ZDHHC9: variants seen among roughly 807,000 people sequenced by gnomAD.
ZDHHC9 encodes zDHHC palmitoyltransferase 9.
Under a neutral mutation model 26.6 loss-of-function variants are expected in ZDHHC9, and 3 were observed. The ratio of observed to expected loss-of-function variants is 0.11; its 90% CI spans 0.05 to 0.29. The LOEUF is 0.29. ZDHHC9 is among the 10% of genes least tolerant of loss of function. The pLI, the probability that ZDHHC9 is intolerant of heterozygous loss-of-function variation, is 1.00. For synonymous variants in ZDHHC9, 111 were observed against 109.4 expected (o/e 1.01, Z -0.09); for missense variants, 146 against 296.4 (o/e 0.49, Z 3.73).
chrX:129,833,465 T>C (rs2124130301), intron 3 of ZDHHC9, among the ~76,000 whole-genome samples: 1 of 111,756 alleles, frequency 8.9e-6, no homozygotes, highest in African/African-American at 3.3e-5. Flanking sequence ...GATTCATGAG[T>C]AGAATGGGTA....
intron 8 of ZDHHC9, 117 bp from the exon 9 acceptor site, chrX:129,811,626 A>C (rs1305158002): frequency 3.3e-6 from 2 of 609,411 alleles, no homozygotes; most frequent in Non-Finnish European, 5.0e-6. Context: ...TTGAAGAAAC[A>C]CATGCAGCAT....
chrX:129,817,742 C>CT (rs57413095), intron 5 of ZDHHC9, among the ~76,000 whole-genome samples: 16 of 104,238 alleles, frequency 1.5e-4, no homozygotes, highest in South Asian at 1.2e-3. Context: ...CTTTTTGTGT[C>CT]TTTTTTTTTT....
intron 4 of ZDHHC9, among the ~76,000 whole-genome samples, chrX:129,825,075 G>C (rs1020512568): frequency 8.9e-6 from 1 of 111,822 alleles, no homozygotes; most frequent in African/African-American, 3.3e-5. Context: ...GGCTGAGGCA[G>C]GCGGGGCACC....
Position 129,804,864 on chromosome X carries a change from C to T in ZDHHC9, c.*1506G>A, listed in dbSNP as rs922169870. ...AAGTTTGGGGAGTAACAAGCAACCC[C>T]TTCCAACCCCCACCCCCACCCTACA... On this transcript the variant is annotated 3_prime_UTR_variant, in exon 11 of 11. Transcript: ENST00000357166. 1 of 110,557 alleles carries T rather than the reference C, an allele frequency of 9.0e-6. No homozygotes were observed. The highest frequency in any genetic ancestry group is 3.3e-5 in the African/African-American group (1 of 30,325). 9.1% of individuals were successfully genotyped at this position (110,557 alleles called of 1,213,427 possible). A position where few individuals can be genotyped will look rare whatever the true frequency, so the allele number is the denominator to read the frequency against.
At chrX:129,827,424 C>A (rs1254836277) in intron 4 of ZDHHC9, among the ~76,000 whole-genome samples, 3 of 110,783 alleles carry the variant, frequency 2.7e-5, no homozygotes, top group Non-Finnish European at 5.7e-5. Flanking sequence ...AGTCCTGGGT[C>A]CCTTTTTCTT....
Position 129,805,714 on chromosome X carries a change from A to G in ZDHHC9, c.*656T>C, listed in dbSNP as rs1205390503. 1 of 112,600 alleles carries G rather than the reference A, an allele frequency of 8.9e-6. No homozygotes were observed. Among genetic ancestry groups the G allele is most frequent in the Non-Finnish European group, 1.9e-5 (1 of 53,621 alleles). 9.3% of individuals were successfully genotyped at this position (112,600 alleles called of 1,213,427 possible). On this transcript the variant is annotated 3_prime_UTR_variant, in exon 11 of 11. Transcript: ENST00000357166. ...AGAAATGTCAATTATTATCTCTACT[A>G]CAACTACTTACATATATCTAATGGG...
intron 6 of ZDHHC9, 152 bp from the exon 7 acceptor site, chrX:129,813,877 CA>C: frequency 1.9e-6 from 1 of 513,133 alleles, no homozygotes; most frequent in South Asian, 2.8e-5. Context: ...TGAAGAGCCT[CA>C]TCTCCTAGCT....
At chrX:129,838,623 ATGCCAC>A (rs1484199178) in intron 3 of ZDHHC9, among the ~76,000 whole-genome samples, 1 of 111,273 alleles carries the variant, frequency 9.0e-6, no homozygotes, top group African/African-American at 3.3e-5. Context: ...AGCAGAGATC[ATGCCAC>A]TGCACTCCAG....
At chrX:129,840,682 C>T (rs1163250013) in intron 3 of ZDHHC9, among the ~76,000 whole-genome samples, 1 of 110,996 alleles carries the variant, frequency 9.0e-6, no homozygotes, top group Non-Finnish European at 1.9e-5. Flanking sequence ...AACTGGATCT[C>T]CCTCCCCCTG....
Position 129,812,743 on chromosome X carries a change from G to A in ZDHHC9, c.752C>T (p.Ala251Val). 1 of 1,210,676 alleles carries A rather than the reference G, an allele frequency of 8.3e-7. No individual in the cohort carries two copies. Among genetic ancestry groups the A allele is most frequent in the African/African-American group, 1.7e-5 (1 of 57,779 alleles). The change falls in exon 8 of 11, where the codon GCT (alanine) becomes GTT (valine). Residue 251 changes from alanine to valine, a missense_variant. By Grantham distance (64) the Ala-to-Val change is moderately conservative. This residue lies in a region of ZDHHC9 where 100 missense variants were observed against 250.0 expected (regional missense o/e 0.40). Transcript: ENST00000357166. ...GTCTTCATTGGTTGTCTGGTTGAGA[G>A]CCACGAGGAAAGTATGAAATCCAGT... ...GLTGFHTFLV[A>V]LNQTTNEDIK...
intron 6 of ZDHHC9, 42 bp downstream of exon 6, chrX:129,814,616 C>T: frequency 1.7e-6 from 2 of 1,209,173 alleles, no homozygotes; most frequent in Non-Finnish European, 2.2e-6. Flanking sequence ...TCTTCCCCCA[C>T]CCAGCCCCAC....
At chrX:129,834,446 T>C (rs1928214576) in intron 3 of ZDHHC9, among the ~76,000 whole-genome samples, 1 of 111,267 alleles carries the variant, frequency 9.0e-6, no homozygotes, top group African/African-American at 3.3e-5. Context: ...TAATTTACAA[T>C]CAGCCTCCAG....
chrX:129,819,911 G>T (rs1029340074), intron 5 of ZDHHC9, among the ~76,000 whole-genome samples: 1 of 110,002 alleles, frequency 9.1e-6, no homozygotes, highest in Admixed American at 9.9e-5. Flanking sequence ...TGCTCAGGCC[G>T]GTCTCAAACT....
intron 10 of ZDHHC9, 85 bp downstream of exon 10, chrX:129,810,820 A>C: frequency 1.2e-6 from 1 of 837,829 alleles, no homozygotes; most frequent in Non-Finnish European, 1.8e-6. Flanking sequence ...TGATTAGAAT[A>C]CAATATTGCC....
In ZDHHC9 at chrX:129,841,949, T is replaced by C; in HGVS notation, c.-4A>G. 8.3e-7 allele frequency: 1 copy of C among 1,211,581 alleles called. No homozygotes were observed. The highest frequency in any genetic ancestry group is 1.1e-6 in the Non-Finnish European group (1 of 895,424). ...TTCTCACCACCATCACAGACATGAT[T>C]GGAATTCCTGCTCCAAAATGGGTTT... On this transcript the variant is annotated 5_prime_UTR_variant, in exon 3 of 11. Coordinates refer to ENST00000357166, the MANE Select transcript of ZDHHC9 (RefSeq NM_016032.4).
rs1235637774 is a variant in ZDHHC9 at position 129,805,382 on chromosome X, C to T, written c.*988G>A. 2 of 110,415 alleles carry T rather than the reference C, an allele frequency of 1.8e-5. No individual in the cohort carries two copies. The highest frequency in any genetic ancestry group is 6.6e-5 in the African/African-American group (2 of 30,162). 9.1% of individuals were successfully genotyped at this position (110,415 alleles called of 1,213,427 possible). A position where few individuals can be genotyped will look rare whatever the true frequency, so the allele number is the denominator to read the frequency against. On this transcript the variant is annotated 3_prime_UTR_variant, in exon 11 of 11. Coordinates refer to ENST00000357166, the MANE Select transcript of ZDHHC9 (RefSeq NM_016032.4). ...GAGAGGAGAGGAGAGGAGAGCCTCTCTGTGCCTTGGTTTCCCATTTGTGCA... is the reference window on the plus strand; with the variant it reads ...GAGAGGAGAGGAGAGGAGAGCCTCTTTGTGCCTTGGTTTCCCATTTGTGCA...
intron 3 of ZDHHC9, among the ~76,000 whole-genome samples, chrX:129,837,481 T>C (rs761129466): frequency 1.8e-5 from 2 of 112,378 alleles, no homozygotes; most frequent in East Asian, 5.6e-4. Flanking sequence ...GAAAGAGGGG[T>C]AGAATTTGGA....
At chrX:129,830,992 T>C (rs1037064508) in intron 3 of ZDHHC9, among the ~76,000 whole-genome samples, 1 of 111,775 alleles carries the variant, frequency 8.9e-6, no homozygotes, top group African/African-American at 3.2e-5. Flanking sequence ...TTTTAATGAT[T>C]TACTTCCTTC....
intron 5 of ZDHHC9, among the ~76,000 whole-genome samples, chrX:129,818,968 A>G (rs747907757): frequency 6.8e-4 from 74 of 109,517 alleles, no homozygotes; most frequent in Non-Finnish European, 1.2e-3. Flanking sequence ...GTCAGGAGAT[A>G]GAGACCATCC....
Sources: gnomAD v4.1 joint callset for allele counts (sites outside exome capture counted in the v4.1 genomes callset) on GRCh38, gnomAD v4.1.1 for gene constraint, gnomAD v4.1.1 regional missense constraint, MANE v1.5 for transcripts, NCBI Gene and HGNC (gene_info 2026-07-23, HGNC 2026-07-21) for gene names.